KAZN: variants seen among roughly 807,000 people sequenced by gnomAD.
The protein encoded by KAZN is kazrin.
In KAZN, 40 loss-of-function variants were observed where a neutral mutation model predicts 87.4. The ratio of observed to expected loss-of-function variants is 0.46; its 90% CI spans 0.36 to 0.60. The LOEUF is 0.60. KAZN is among the 20% of genes least tolerant of loss of function. The probability of loss-of-function intolerance (pLI) is 0.00; values close to 1 mark genes in which losing one functional copy is unlikely to be tolerated. For synonymous variants in KAZN, 466 were observed against 458.3 expected (o/e 1.02, Z -0.22); for missense variants, 898 against 1,073.9 (o/e 0.84, Z 2.29).
At chr1:14,702,367 G>GTGTGT (rs1641978149) in intron 1 of KAZN, among the ~76,000 whole-genome samples, 1 of 52,696 alleles carries the variant, frequency 1.9e-5, no homozygotes, top group African/African-American at 6.4e-5. Flanking sequence ...TGTGTGTGTG[G>GTGTGT]ATTTCTCTGT....
chr1:14,831,508 G>T (rs1041243734), intron 1 of KAZN, among the ~76,000 whole-genome samples: 28 of 152,168 alleles, frequency 1.8e-4, no homozygotes, highest in African/African-American at 6.8e-4. Context: ...AAATGAAGAT[G>T]TGGGTGCTGT....
chr1:14,634,225 C>T lies in KAZN; in HGVS notation c.226+35002C>T, dbSNP rs371338763. ...ATACCACATTTACACCATATTGGCACTTGAACTATTCCTTCCCCAAGAACC... is the reference window on the plus strand; with the variant it reads ...ATACCACATTTACACCATATTGGCATTTGAACTATTCCTTCCCCAAGAACC... On this transcript the variant is annotated intron_variant, in intron 1 of 14. Coordinates refer to ENST00000376030, the MANE Select transcript of KAZN (RefSeq NM_201628.3). 7.9e-5 allele frequency among the ~76,000 whole-genome samples: 12 copies of T among 152,308 alleles called. No homozygotes were observed. In the South Asian group the frequency reaches 2.3e-3, roughly 29 times the overall value.
chr1:14,100,166 G>A (rs928774308), intron 1 of KAZN, among the ~76,000 whole-genome samples: 1 of 152,142 alleles, frequency 6.6e-6, no homozygotes, highest in Non-Finnish European at 1.5e-5. Context: ...TTGTTTATCG[G>A]TTCCCTTAGA....
intron 1 of KAZN, among the ~76,000 whole-genome samples, chr1:14,850,351 CT>C (rs1649295031): frequency 6.6e-6 from 1 of 152,146 alleles, no homozygotes; most frequent in South Asian, 2.1e-4. Context: ...ACCCAAGTCC[CT>C]TACTGACCAA....
intron 2 of KAZN, among the ~76,000 whole-genome samples, chr1:14,425,923 T>C (rs1665698340): frequency 6.6e-6 from 1 of 152,228 alleles, no homozygotes; most frequent in African/African-American, 2.4e-5. Flanking sequence ...CCATCTCCCC[T>C]GCCCATCCCC....
intron 1 of KAZN, among the ~76,000 whole-genome samples, chr1:14,899,741 C>T (rs778499086): frequency 5.9e-5 from 9 of 152,170 alleles, no homozygotes; most frequent in Non-Finnish European, 8.8e-5. Context: ...TCCTTCCCTC[C>T]CTATGGGTTC....
chr1:13,903,651 G>A (rs1186987405), intron 1 of KAZN, among the ~76,000 whole-genome samples: 4 of 152,170 alleles, frequency 2.6e-5, no homozygotes, highest in Middle Eastern at 3.2e-3. Context: ...GTGAAGACGA[G>A]TTAGGTCACT....
rs961913734 is a variant in KAZN, at chr1:14,304,801, T to C, written c.249+124209T>C. Reference sequence around the variant, plus strand: ...TTACTTTTGCATTTTCCGTTCATTCTTGAACAGTTCACCGAGCTCCTGGAA... The same window carrying C: ...TTACTTTTGCATTTTCCGTTCATTCCTGAACAGTTCACCGAGCTCCTGGAA... On this transcript the variant is annotated intron_variant, in intron 2 of 16. Transcript: ENST00000636203. 7.6e-6 allele frequency: 3 copies of C among 395,192 alleles called. No individual in the cohort carries two copies. In the Admixed American group the frequency reaches 1.3e-4, roughly 17 times the overall value. 24.5% of individuals were successfully genotyped at this position (395,192 alleles called of 1,614,324 possible).
intron 1 of KAZN, among the ~76,000 whole-genome samples, chr1:13,986,797 G>A (rs373952915): frequency 2.6e-5 from 4 of 152,164 alleles, no homozygotes; most frequent in Admixed American, 6.5e-5. Context: ...ACCAGCCACC[G>A]GGGCCCTCGT....
chr1:14,633,658 A>C (rs1679743418), intron 1 of KAZN, among the ~76,000 whole-genome samples: 1 of 152,194 alleles, frequency 6.6e-6, no homozygotes, highest in African/African-American at 2.4e-5. Context: ...TAGGAAACTT[A>C]CACAGCCATT....
At chr1:14,110,583 A>AGGAGAAAGAAC (rs1328478542) in intron 1 of KAZN, among the ~76,000 whole-genome samples, 3,231 of 83,838 alleles carry the variant, frequency 0.039, 282 homozygotes, top group East Asian at 0.13. Context: ...AGGAGGTTTT[A>AGGAGAAAGAAC]TTTGCATGAC....
At chr1:14,284,782 G>A (rs960509082) in intron 2 of KAZN, among the ~76,000 whole-genome samples, 1 of 152,188 alleles carries the variant, frequency 6.6e-6, no homozygotes, top group African/African-American at 2.4e-5. Flanking sequence ...ACCTTGAGAA[G>A]TAAGTACGTC....
Position 15,066,147 on chromosome 1 carries a change from T to C in KAZN, c.1222+394T>C. 1 of 1,040,872 alleles carries C rather than the reference T, an allele frequency of 9.6e-7. No individual in the cohort carries two copies. Among genetic ancestry groups the C allele is most frequent in the South Asian group, 4.5e-5 (1 of 21,982 alleles). 64.5% of individuals were successfully genotyped at this position (1,040,872 alleles called of 1,614,324 possible). The stretch of plus-strand genomic sequence containing the variant: ...TTTTGTTTGGTTCGTCGGTTTGTTT[T>C]TGTTTTTGTTTTTTTCCCCCTTTCT... On this transcript the variant is annotated intron_variant, in intron 8 of 14. Coordinates refer to ENST00000376030, the MANE Select transcript of KAZN (RefSeq NM_201628.3). The surrounding 1 kb of genome is among the most constrained non-coding windows in gnomAD (Gnocchi z 4.3).
chr1:14,275,490 G>GTGTC (rs1028648873), intron 2 of KAZN, among the ~76,000 whole-genome samples: 7 of 143,894 alleles, frequency 4.9e-5, no homozygotes, highest in Non-Finnish European at 1.1e-4. Flanking sequence ...GTGTGTGTGT[G>GTGTC]TCTAAACAAT....
At position 15,095,559 on chromosome 1, in the gene KAZN, T is replaced by C. The variant is rs186248641; in HGVS notation, c.1547+626T>C. Among the ~76,000 whole-genome samples the C allele has an allele frequency of 3.3e-5, 5 of 152,178 alleles. No individual in the cohort carries two copies. In the East Asian group the frequency reaches 9.7e-4, roughly 29 times the overall value. ...CTCCTGGCTTTCTGTGAGCAAAATT[T>C]GTTGAGCAGGGGCAGCTACAGGGTA... On this transcript the variant is annotated intron_variant, in intron 10 of 14. Transcript: ENST00000376030.
intron 1 of KAZN, among the ~76,000 whole-genome samples, chr1:14,057,644 G>A (rs752027875): frequency 1.2e-4 from 18 of 152,168 alleles, no homozygotes; most frequent in Non-Finnish European, 1.9e-4. Flanking sequence ...AATGTGTATC[G>A]TTTCTCCATC....
At chr1:14,010,949 C>T (rs534785384) in intron 1 of KAZN, among the ~76,000 whole-genome samples, 8 of 152,182 alleles carry the variant, frequency 5.3e-5, no homozygotes, top group Admixed American at 1.3e-4. Flanking sequence ...CCTTGCTTCC[C>T]CTTTTTTTTT....
intron 1 of KAZN, among the ~76,000 whole-genome samples, chr1:14,089,789 C>A (rs1452115985): frequency 6.6e-6 from 1 of 152,160 alleles, no homozygotes; most frequent in African/African-American, 2.4e-5. Context: ...AGAGCTTCAG[C>A]CAGTGTATCA....
At chr1:14,558,244 A>T (rs1204996913) in intron 2 of KAZN, among the ~76,000 whole-genome samples, 2 of 152,214 alleles carry the variant, frequency 1.3e-5, no homozygotes, top group Non-Finnish European at 2.9e-5. Flanking sequence ...ATGCTATTTG[A>T]TCATCTTGTT....
Sources: gnomAD v4.1 joint callset for allele counts (sites outside exome capture counted in the v4.1 genomes callset) on GRCh38, gnomAD v4.1.1 for gene constraint, Gnocchi (gnomAD v3.1) non-coding constraint, MANE v1.5 for transcripts, NCBI Gene and HGNC (gene_info 2026-07-23, HGNC 2026-07-21) for gene names.